Variants in CCDC38 observed in about 807,000 individuals in gnomAD.
CCDC38 encodes the protein coiled-coil domain-containing protein 38.
CCDC38 carries 69 observed loss-of-function variants against 72.8 expected under a neutral mutation model. The ratio of observed to expected loss-of-function variants is 0.95; its 90% CI spans 0.78 to 1.16. CCDC38 has a LOEUF of 1.16. Among genes scored for constraint, CCDC38 ranks in the 50% most tolerant of loss-of-function variants. CCDC38 has a pLI of 0.00. For missense variants in CCDC38, 626 were observed against 638.9 expected (o/e 0.98, Z 0.22); for synonymous variants, 201 against 213.2 (o/e 0.94, Z 0.50).
In CCDC38 at chr12:95,917,346, T is replaced by C. The variant is rs760483628; in HGVS notation, c.139-52A>G. On this transcript the variant is annotated intron_variant, in intron 3 of 15. Coordinates refer to ENST00000344280, the MANE Select transcript of CCDC38 (RefSeq NM_182496.3). ...ATTTTTAATATACCAAAGTATGTTA[T>C]CTTAAAATTAGTGATTATATATAAA... 6 of 1,386,080 alleles carry C rather than the reference T, an allele frequency of 4.3e-6. No homozygotes were observed. In the Admixed American group the frequency reaches 1.3e-4, roughly 29 times the overall value. 85.9% of individuals were successfully genotyped at this position (1,386,080 alleles called of 1,614,324 possible). A position where few individuals can be genotyped will look rare whatever the true frequency, so the allele number is the denominator to read the frequency against.
chr12:95,912,005 T>C (rs546368214), intron 4 of CCDC38, among the ~76,000 whole-genome samples: 4 of 152,312 alleles, frequency 2.6e-5, no homozygotes, highest in Admixed American at 2.6e-4. Flanking sequence ...GAAAATGTGG[T>C]GCATGTATAC....
chr12:95,886,820 C>G (rs893363796), intron 10 of CCDC38, among the ~76,000 whole-genome samples: 2 of 152,216 alleles, frequency 1.3e-5, no homozygotes, highest in Admixed American at 6.5e-5. Context: ...AAACTGGACC[C>G]CACATACAAT....
At chr12:95,935,474 G>C (rs1324443098) in intron 2 of CCDC38, 1 of 249,028 alleles carries the variant, frequency 4.0e-6, no homozygotes, top group South Asian at 4.0e-5. Flanking sequence ...AGGCCAGAAG[G>C]AGTTGGGCCC....
At chr12:95,918,233 C>T (rs1249890157) in intron 3 of CCDC38, among the ~76,000 whole-genome samples, 3 of 152,190 alleles carry the variant, frequency 2.0e-5, no homozygotes, top group African/African-American at 7.2e-5. Context: ...GTGGGAAAAT[C>T]AGCCTTATCA....
At chr12:95,880,833 G>A (rs1008942935) in intron 11 of CCDC38, among the ~76,000 whole-genome samples, 2 of 152,178 alleles carry the variant, frequency 1.3e-5, no homozygotes, top group Non-Finnish European at 2.9e-5. Context: ...GTTGCCAGGG[G>A]CTATGGGAGG....
intron 5 of CCDC38, among the ~76,000 whole-genome samples, chr12:95,905,692 T>C (rs1205366797): frequency 6.6e-6 from 1 of 152,254 alleles, no homozygotes; most frequent in Non-Finnish European, 1.5e-5. Context: ...TATTAGATAC[T>C]TGACAATAAA....
chr12:95,898,552 G>C lies in CCDC38; in HGVS notation c.533+16C>G, dbSNP rs369166736. On this transcript the variant is annotated intron_variant, in intron 6 of 15. Coordinates refer to ENST00000344280, the MANE Select transcript of CCDC38 (RefSeq NM_182496.3). ...AAAAGAGGTGGGAAGGATTTGGCCA[G>C]AGTGATGAAACAAACATTTTCAGAG... 11 of 1,613,934 alleles carry C rather than the reference G, an allele frequency of 6.8e-6. No individual in the cohort carries two copies. The African/African-American group carries it at 1.5e-4, about 22-fold the overall frequency.
intron 9 of CCDC38, 35 bp downstream of exon 9, chr12:95,890,797 G>A: frequency 7.6e-7 from 1 of 1,316,974 alleles, no homozygotes; most frequent in Non-Finnish European, 1.1e-6. Flanking sequence ...CACATTCGCA[G>A]GTTTTACTTT....
chr12:95,918,754 G>A (rs1056091221), intron 3 of CCDC38, 122 bp downstream of exon 3: 10 of 648,400 alleles, frequency 1.5e-5, no homozygotes, highest in Non-Finnish European at 2.7e-5. Flanking sequence ...ATCATGGTGT[G>A]GGGCACACAC....
At chr12:95,878,120 T>C in intron 13 of CCDC38, 91 bp downstream of exon 13, 1 of 1,431,678 alleles carries the variant, frequency 7.0e-7, no homozygotes, top group Non-Finnish European at 9.6e-7. Flanking sequence ...GTGATTTGCT[T>C]TAACTCTCCT....
chr12:95,897,036 T>G (rs1043510859), intron 7 of CCDC38, among the ~76,000 whole-genome samples: 3 of 152,180 alleles, frequency 2.0e-5, no homozygotes, highest in Non-Finnish European at 4.4e-5. Context: ...AGCTTCAGCT[T>G]TAGGCTCCTA....
rs10672045 is a variant in CCDC38 at position 95,889,897 on chromosome 12, C to CTTTATTTA, written c.871+927_871+934dup. 4.5e-3 allele frequency among the ~76,000 whole-genome samples: 670 copies of CTTTATTTA among 150,394 alleles called. 4 individuals are homozygous for CTTTATTTA. Among genetic ancestry groups the CTTTATTTA allele is most frequent in the African/African-American group, 0.012 (506 of 40,812 alleles). ...TTTTTCATGACATATGCTTATTTTA[C>CTTTATTTA]TTTATTTATTTATTTATTTATTTAT... On this transcript the variant is annotated intron_variant, in intron 9 of 15. Coordinates refer to ENST00000344280, the MANE Select transcript of CCDC38 (RefSeq NM_182496.3).
chr12:95,872,749 AT>A (rs1329977638), intron 13 of CCDC38, among the ~76,000 whole-genome samples: 2 of 152,082 alleles, frequency 1.3e-5, no homozygotes, highest in African/African-American at 2.4e-5. Flanking sequence ...TAATTTTTGT[AT>A]TTTTAGTGGA....
At chr12:95,937,369 T>C (rs1028816925) in intron 1 of CCDC38, among the ~76,000 whole-genome samples, 1 of 152,216 alleles carries the variant, frequency 6.6e-6, no homozygotes, top group Non-Finnish European at 1.5e-5. Flanking sequence ...AAAATATTGC[T>C]TATTTTGATT....
chr12:95,881,504 T>C lies in CCDC38; in HGVS notation c.971A>G (p.Asp324Gly), dbSNP rs1386976319. ...GGTTACCAAATCAACGTCCATTTCATCATCTAAAAGGAATTCCAAACTGTC... is the reference window on the plus strand; with the variant it reads ...GGTTACCAAATCAACGTCCATTTCACCATCTAAAAGGAATTCCAAACTGTC... ...SEDSLEFLLD[D>G]EMDVDLEPAL... Residue 324 changes from aspartate (D) to glycine (G), a missense_variant, in exon 11 of 16, where the codon GAT becomes GGT. Asp to Gly is a moderately conservative substitution (Grantham distance 94). Transcript: ENST00000344280. The C allele has an allele frequency of 5.0e-6, 8 of 1,609,116 alleles. No homozygotes were observed. The highest frequency in any genetic ancestry group is 6.8e-6 in the Non-Finnish European group (8 of 1,177,744).
intron 14 of CCDC38, among the ~76,000 whole-genome samples, chr12:95,871,719 G>A (rs866665973): frequency 5.6e-5 from 4 of 70,956 alleles, no homozygotes; most frequent in African/African-American, 1.2e-4. Flanking sequence ...TATACACTGC[G>A]GAAAACCCTC....
chr12:95,891,491 G>A (rs1410887348), intron 8 of CCDC38, among the ~76,000 whole-genome samples: 2 of 151,990 alleles, frequency 1.3e-5, no homozygotes, highest in African/African-American at 4.8e-5. Context: ...GACTACAGGT[G>A]TCCACCAGTA....
In CCDC38 at chr12:95,867,191, T is replaced by A. The variant is rs765785717; in HGVS notation, c.1579-2A>T. The A allele has an allele frequency of 1.3e-6, 2 of 1,508,638 alleles. No individual in the cohort carries two copies. Among genetic ancestry groups the A allele is most frequent in the Non-Finnish European group, 9.1e-7 (1 of 1,094,872 alleles). The allele number at this position is 1,508,638 out of a possible 1,614,324, so 93.5% of individuals were successfully genotyped here. On this transcript the variant is annotated splice_acceptor_variant, in intron 15 of 15. Coordinates refer to ENST00000344280, the MANE Select transcript of CCDC38 (RefSeq NM_182496.3). LOFTEE classifies it high-confidence loss of function. Reference sequence around the variant, plus strand: ...ATGAAAGACAAGTCGTCTTCCCAACTGAAACAAAAGAAAAACAAAATACTT... The same window carrying A: ...ATGAAAGACAAGTCGTCTTCCCAACAGAAACAAAAGAAAAACAAAATACTT...
At chr12:95,920,312 G>A (rs1033300888) in intron 2 of CCDC38, among the ~76,000 whole-genome samples, 3 of 152,142 alleles carry the variant, frequency 2.0e-5, no homozygotes, top group Non-Finnish European at 1.5e-5. Context: ...CATATAAGAC[G>A]TGACTTTCCT....
Sources: allele counts gnomAD v4.1 joint callset (sites outside exome capture counted in the v4.1 genomes callset), GRCh38; gene constraint gnomAD v4.1.1; transcripts MANE v1.5; gene names NCBI Gene and HGNC (gene_info 2026-07-23, HGNC 2026-07-21).